Variants in ZNF75A observed in about 807,000 individuals in gnomAD.
ZNF75A encodes zinc finger protein 75A.
A neutral mutation model predicts 46.3 loss-of-function variants in ZNF75A; 36 were observed. That is an observed-to-expected ratio of 0.78 (90% CI 0.60 to 1.03). The LOEUF is 1.03. Among genes scored for constraint, ZNF75A ranks in the 50% least tolerant of loss-of-function variants. ZNF75A has a pLI of 0.00. For synonymous variants in ZNF75A, 234 were observed against 189.9 expected (o/e 1.23, Z -1.91); for missense variants, 595 against 551.3 (o/e 1.08, Z -0.79).
chr16:3,307,349 A>G (rs764160936), intron 1 of ZNF75A: 9 of 152,220 alleles, frequency 5.9e-5, no homozygotes, highest in Non-Finnish European at 1.2e-4. Context: ...TAGAGAAAAT[A>G]GTATAATGCA....
downstream of ZNF75A, chr16:3,323,029 C>T (rs986345557): frequency 1.7e-5 from 11 of 630,916 alleles, no homozygotes; most frequent in Non-Finnish European, 2.2e-5. Flanking sequence ...TGCCATGAAC[C>T]TAAGCTACTG....
intron 2 of ZNF75A, among the ~76,000 whole-genome samples, chr16:3,311,323 A>C (rs1452275033): frequency 1.3e-5 from 2 of 152,058 alleles, no homozygotes; most frequent in Non-Finnish European, 2.9e-5. Flanking sequence ...CTGTAATCCC[A>C]GCTACTTGGA....
chr16:3,307,414 C>T (rs896573151), intron 1 of ZNF75A: 2 of 152,158 alleles, frequency 1.3e-5, no homozygotes, highest in African/African-American at 2.4e-5. Flanking sequence ...AACTTACCCC[C>T]CTTGGAGAAG....
At chr16:3,323,287 C>T (rs2030011211), downstream of ZNF75A, 1 of 880,058 alleles carries the variant, frequency 1.1e-6, no homozygotes, top group African/African-American at 1.6e-5. Flanking sequence ...GCATGATGGA[C>T]CACTGAGAGG....
intron 6 of ZNF75A, 40 bp from the exon 7 acceptor site, chr16:3,317,150 G>A: frequency 6.4e-7 from 1 of 1,558,786 alleles, no homozygotes; most frequent in Non-Finnish European, 8.7e-7. Flanking sequence ...TGATTTGCTT[G>A]TTCTGGGATA....
chr16:3,321,626 T>G (rs2029949814), downstream of ZNF75A, among the ~76,000 whole-genome samples: 1 of 152,124 alleles, frequency 6.6e-6, no homozygotes. Context: ...CCACCATGCC[T>G]GGGTTATTAT....
In ZNF75A at chr16:3,312,681, G is replaced by A; in HGVS notation, c.609G>A (p.Val203=). ...CTGGCTCTTTTCCCCCCACAGCTGTGCCTACTCAACAGATTCTAGCTTTTC... is the reference window on the plus strand; with the variant it reads ...CTGGCTCTTTTCCCCCCACAGCTGTACCTACTCAACAGATTCTAGCTTTTC... ...KETEPVYERA[V]PTQQILAFPE... is the part of the protein sequence containing the mutation. The change falls in exon 4 of 7, where the codon GTG becomes GTA. Residue 203 remains valine, a synonymous_variant. Transcript: ENST00000669516. The A allele has an allele frequency of 6.9e-6, 7 of 1,008,484 alleles. No individual in the cohort carries two copies. Among genetic ancestry groups the A allele is most frequent in the Non-Finnish European group, 8.3e-6 (7 of 843,186 alleles). The allele number at this position is 1,008,484 out of a possible 1,614,324, so 62.5% of individuals were successfully genotyped here.
rs1009853807 is a variant in ZNF75A at position 3,317,983 on chromosome 16, G to T, written c.*114G>T. 2.1e-6 allele frequency: 3 copies of T among 1,442,758 alleles called. No homozygotes were observed. Among genetic ancestry groups the T allele is most frequent in the Non-Finnish European group, 2.7e-6 (3 of 1,104,474 alleles). 89.4% of individuals were successfully genotyped at this position (1,442,758 alleles called of 1,614,324 possible). A position where few individuals can be genotyped will look rare whatever the true frequency, so the allele number is the denominator to read the frequency against. ...TTGAAAAATTTTACATCAGAAAATG[G>T]GATAAACATACATTTCACAGAAAAT... On this transcript the variant is annotated 3_prime_UTR_variant, in exon 7 of 7. Coordinates refer to ENST00000669516, the MANE Select transcript of ZNF75A (RefSeq NM_001302109.2).
intron 5 of ZNF75A, among the ~76,000 whole-genome samples, chr16:3,314,433 G>A (rs1961044136): frequency 1.3e-5 from 2 of 152,134 alleles, no homozygotes; most frequent in African/African-American, 4.8e-5. Context: ...AGGGCTACCT[G>A]AGCATGACCT....
At chr16:3,310,649 A>C in intron 2 of ZNF75A, 1 of 985,254 alleles carries the variant, frequency 1.0e-6, no homozygotes, top group Admixed American at 6.1e-5. Context: ...ACAAACAAAA[A>C]AAACAACTAG....
In ZNF75A at chr16:3,317,705, A is replaced by G. The variant is rs1385324499; in HGVS notation, c.1450A>G (p.Lys484Glu). 6.2e-7 allele frequency: 1 copy of G among 1,614,240 alleles called. No homozygotes were observed. The highest frequency in any genetic ancestry group is 1.1e-5 in the South Asian group (1 of 91,078). ...HTHQRTHTGE[K>E]PFTCHECGKK... is the part of the protein sequence containing the mutation. ...ACACCAAAGAACTCATACAGGAGAA[A>G]AGCCCTTCACATGTCATGAATGTGG... Residue 484 changes from lysine to glutamate, a missense_variant, in exon 7 of 7, where the codon AAG (lysine) becomes GAG (glutamate). Transcript: ENST00000669516.
In ZNF75A at chr16:3,311,921, A is replaced by G. The variant is rs1290982647; in HGVS notation, c.577A>G (p.Lys193Glu). Reference protein sequence around the residue: ...LQEQLSRNTHKETEPVYERAV... With the variant: ...LQEQLSRNTHEETEPVYERAV... ...AGAACAGCTCAGCAGGAATACTCAT[A>G]AAGAGACTGAGCCTGTGTATGAGAG... is the stretch of plus-strand genomic sequence containing the variant. The change falls in exon 3 of 7, where the codon AAA (lysine) becomes GAA (glutamate). Residue 193 changes from lysine (K) to glutamate (E), a missense_variant. Transcript: ENST00000669516. 3 of 987,524 alleles carry G rather than the reference A, an allele frequency of 3.0e-6. No individual in the cohort carries two copies. Among genetic ancestry groups the G allele is most frequent in the East Asian group, 1.1e-4 (1 of 8,910 alleles). 61.2% of individuals were successfully genotyped at this position (987,524 alleles called of 1,614,324 possible). A position where few individuals can be genotyped will look rare whatever the true frequency, so the allele number is the denominator to read the frequency against.
chr16:3,310,820 C>G, intron 2 of ZNF75A: 24 of 985,522 alleles, frequency 2.4e-5, no homozygotes, highest in Non-Finnish European at 2.9e-5. Flanking sequence ...AATGCTTGTT[C>G]CTTGGCTCTG....
intron 2 of ZNF75A, chr16:3,309,238 C>T (rs1013593220): frequency 6.6e-6 from 1 of 152,030 alleles, no homozygotes; most frequent in African/African-American, 2.4e-5. Context: ...GGGTAGATCA[C>T]CTGAGGTCAG....
chr16:3,317,264 G>A lies in ZNF75A; in HGVS notation c.1009G>A (p.Gly337Ser). ...TGACTTAGAAATACAAGCATCAGCA[G>A]GCGTCATATCAAAAAAGGCCAAAGT... ...LSDLEIQASA[G>S]VISKKAKVKV... Residue 337 changes from glycine (G) to serine (S), a missense_variant, in exon 7 of 7, where the codon GGC (glycine) becomes AGC (serine). Coordinates refer to ENST00000669516, the MANE Select transcript of ZNF75A (RefSeq NM_001302109.2). The A allele has an allele frequency of 1.9e-6, 3 of 1,614,002 alleles. No homozygotes were observed. The highest frequency in any genetic ancestry group is 2.5e-6 in the Non-Finnish European group (3 of 1,180,020).
chr16:3,312,243 C>G (rs1190266599), intron 3 of ZNF75A: 1 of 152,170 alleles, frequency 6.6e-6, no homozygotes, highest in Admixed American at 6.6e-5. Context: ...GGCTTGGGGC[C>G]ACTTCATCCT....
Position 3,318,193 on chromosome 16 carries a change from C to T in ZNF75A, c.*324C>T. 9.6e-7 allele frequency: 1 copy of T among 1,042,090 alleles called. No homozygotes were observed. The highest frequency in any genetic ancestry group is 1.2e-6 in the Non-Finnish European group (1 of 867,206). 64.6% of individuals were successfully genotyped at this position (1,042,090 alleles called of 1,614,324 possible). On this transcript the variant is annotated 3_prime_UTR_variant, in exon 7 of 7. Coordinates refer to ENST00000669516, the MANE Select transcript of ZNF75A (RefSeq NM_001302109.2). ...TTGCATACCATTCTCTTCACAGTAG[C>T]AGGCTTACCAATTTCCATAGTCTCA... is the stretch of plus-strand genomic sequence containing the variant.
downstream of ZNF75A, among the ~76,000 whole-genome samples, chr16:3,320,154 T>C (rs1443575502): frequency 6.6e-6 from 1 of 152,122 alleles, no homozygotes; most frequent in Non-Finnish European, 1.5e-5. Flanking sequence ...CATGCCATTC[T>C]CCTGCCTCAG....
downstream of ZNF75A, among the ~76,000 whole-genome samples, chr16:3,320,310 C>A (rs1961483193): frequency 1.3e-5 from 2 of 152,238 alleles, no homozygotes; most frequent in Admixed American, 1.3e-4. Flanking sequence ...TCCCAAAGTG[C>A]CGGGATTACA....
Sources: gnomAD v4.1 joint callset for allele counts (sites outside exome capture counted in the v4.1 genomes callset) on GRCh38, gnomAD v4.1.1 for gene constraint, MANE v1.5 for transcripts, NCBI Gene and HGNC (gene_info 2026-07-23, HGNC 2026-07-21) for gene names.